ZNF716: variants seen among roughly 807,000 people sequenced by gnomAD.
ZNF716 encodes zinc finger protein 716.
ZNF716 carries 9 observed loss-of-function variants against 13.4 expected under a neutral mutation model. The ratio of observed to expected loss-of-function variants is 0.67; its 90% CI spans 0.41 to 1.18. ZNF716 has a LOEUF of 1.18. Ranked by LOEUF, ZNF716 falls within the 50% of genes most tolerant of loss-of-function variation. The pLI is 0.01. For missense variants in ZNF716, 581 were observed against 576.6 expected, an observed-to-expected ratio of 1.01 and a Z score of -0.08; for synonymous variants, 186 against 195.2, an observed-to-expected ratio of 0.95 and a Z score of 0.39.
At chr7:57,454,887 G>A (rs539355397) in intron 1 of ZNF716, among the ~76,000 whole-genome samples, 29 of 152,110 alleles carry the variant, frequency 1.9e-4, no homozygotes, top group Admixed American at 6.6e-4. Context: ...TTAGCCAGGC[G>A]TGGTGGCAGG....
chr7:57,462,226 A>C (rs567113534), intron 1 of ZNF716, among the ~76,000 whole-genome samples: 1 of 151,992 alleles, frequency 6.6e-6, no homozygotes, highest in East Asian at 1.9e-4. Context: ...CCAGAAAAGT[A>C]TCATATCTAC....
rs1356897790 is a variant in ZNF716, at chr7:57,473,287, G to A, written c.*3338G>A. ...GGCTCCCAGCATTTTGGGAGCCTGAGGTGGGAGGATCATTTGAGGTTAGGA... is the reference window on the plus strand; with the variant it reads ...GGCTCCCAGCATTTTGGGAGCCTGAAGTGGGAGGATCATTTGAGGTTAGGA... On this transcript the variant is annotated 3_prime_UTR_variant, in exon 4 of 4. Coordinates refer to ENST00000420713, the MANE Select transcript of ZNF716 (RefSeq NM_001159279.1). 2.0e-5 allele frequency: 3 copies of A among 152,148 alleles called. No homozygotes were observed. The highest frequency in any genetic ancestry group is 2.0e-4 in the Admixed American group (3 of 15,274). 9.4% of individuals were successfully genotyped at this position (152,148 alleles called of 1,614,324 possible).
chr7:57,461,907 C>G (rs1554323154), intron 1 of ZNF716, among the ~76,000 whole-genome samples: 1 of 152,128 alleles, frequency 6.6e-6, no homozygotes, highest in Non-Finnish European at 1.5e-5. Context: ...TGCCTGCAAT[C>G]CCAGTATTTT....
chr7:57,465,557 C>G (rs1272456168), intron 3 of ZNF716, among the ~76,000 whole-genome samples: 1 of 152,014 alleles, frequency 6.6e-6, no homozygotes, highest in Admixed American at 6.6e-5. Context: ...ACTGTGTTTC[C>G]AAGGCTGGTA....
rs1583725465 is a variant in ZNF716 at position 57,470,099 on chromosome 7, T to C, written c.*150T>C. ...TAATTCATATTGGACAAAAGTCTTATAAATGTAAAAAAAAAAGTAACAGCC... is the reference window on the plus strand; with the variant it reads ...TAATTCATATTGGACAAAAGTCTTACAAATGTAAAAAAAAAAGTAACAGCC... On this transcript the variant is annotated 3_prime_UTR_variant, in exon 4 of 4. Transcript: ENST00000420713. 1.3e-6 allele frequency: 1 copy of C among 777,612 alleles called. No homozygotes were observed. Among genetic ancestry groups the C allele is most frequent in the Admixed American group, 3.4e-5 (1 of 29,354 alleles). The allele number at this position is 777,612 out of a possible 1,614,324, so 48.2% of individuals were successfully genotyped here. A position where few individuals can be genotyped will look rare whatever the true frequency, so the allele number is the denominator to read the frequency against.
chr7:57,454,087 C>A (rs1174942734), intron 1 of ZNF716, among the ~76,000 whole-genome samples: 38 of 152,152 alleles, frequency 2.5e-4, no homozygotes, highest in African/African-American at 9.2e-4. Flanking sequence ...CCCACCTGTG[C>A]CTCTCAAATT....
chr7:57,462,690 G>A lies in ZNF716; in HGVS notation c.166+104G>A, dbSNP rs1389366944. On this transcript the variant is annotated intron_variant, in intron 2 of 3. Transcript: ENST00000420713. ...TGCATGAATGAATTTTAGCTCTCCA[G>A]TTTTAAGAAAATCTTGGGGATTCAT... 2.3e-6 allele frequency: 3 copies of A among 1,333,180 alleles called. No homozygotes were observed. The African/African-American group carries it at 4.4e-5, about 20-fold the overall frequency. 82.6% of individuals were successfully genotyped at this position (1,333,180 alleles called of 1,614,324 possible). A position where few individuals can be genotyped will look rare whatever the true frequency, so the allele number is the denominator to read the frequency against.
intron 1 of ZNF716, among the ~76,000 whole-genome samples, chr7:57,460,216 G>A (rs545298848): frequency 1.1e-4 from 16 of 151,896 alleles, no homozygotes; most frequent in Non-Finnish European, 1.8e-4. Flanking sequence ...CCAACATGGT[G>A]AAAGTCCATC....
intron 3 of ZNF716, among the ~76,000 whole-genome samples, chr7:57,467,367 G>A (rs1323086073): frequency 6.6e-6 from 1 of 152,000 alleles, no homozygotes; most frequent in African/African-American, 2.4e-5. Flanking sequence ...ATTTTAAGTG[G>A]AAGGACCTCT....
In ZNF716 at chr7:57,471,618, A is replaced by G. The variant is rs1554325303; in HGVS notation, c.*1669A>G. ...GAAACAGATGCTCAAACTTTGTTGA[A>G]CATCGGAGAATTTATATTGGAGAGA... is the stretch of plus-strand genomic sequence containing the variant. On this transcript the variant is annotated 3_prime_UTR_variant, in exon 4 of 4. Transcript: ENST00000420713. 6.6e-6 allele frequency: 1 copy of G among 152,234 alleles called. No individual in the cohort carries two copies. The highest frequency in any genetic ancestry group is 1.5e-5 in the Non-Finnish European group (1 of 68,042). The allele number at this position is 152,234 out of a possible 1,614,324, so 9.4% of individuals were successfully genotyped here. A position where few individuals can be genotyped will look rare whatever the true frequency, so the allele number is the denominator to read the frequency against.
In ZNF716 at chr7:57,469,522, G is replaced by T. The variant is rs782725567; in HGVS notation, c.1061G>T (p.Cys354Phe). The change falls in exon 4 of 4, where the codon TGT becomes TTT. Residue 354 changes from cysteine to phenylalanine, a missense_variant. Physicochemically the swap from Cys to Phe is radical, Grantham distance 205. Coordinates refer to ENST00000420713, the MANE Select transcript of ZNF716 (RefSeq NM_001159279.1). ...IVHTGEKLYT[C>F]EECGKAFTFS... The stretch of plus-strand genomic sequence containing the variant: ...CATACTGGGGAGAAACTCTACACAT[G>T]TGAAGAATGTGGGAAAGCCTTTACC... 2 of 1,610,630 alleles carry T rather than the reference G, an allele frequency of 1.2e-6. No individual in the cohort carries two copies. The highest frequency in any genetic ancestry group is 1.7e-6 in the Non-Finnish European group (2 of 1,178,318).
chr7:57,452,480 CA>C (rs71065114), intron 1 of ZNF716, among the ~76,000 whole-genome samples: 1 of 149,294 alleles, frequency 6.7e-6, no homozygotes, highest in African/African-American at 2.5e-5. Flanking sequence ...ACTAAAAATG[CA>C]AAAAAAAATA....
At chr7:57,450,477 T>C in intron 1 of ZNF716, 150 bp downstream of exon 1, 1 of 1,411,136 alleles carries the variant, frequency 7.1e-7, no homozygotes, top group Non-Finnish European at 9.8e-7. Flanking sequence ...CTTAGTCCCC[T>C]CGAGCGTTAA....
chr7:57,451,982 G>T lies in ZNF716; in HGVS notation c.39+1655G>T, dbSNP rs893736597. ...GGGTTTCACCATTTTGGCCAGGCTGGTCTCAAATTCCTGACCTCAGGTGAT... is the reference window on the plus strand; with the variant it reads ...GGGTTTCACCATTTTGGCCAGGCTGTTCTCAAATTCCTGACCTCAGGTGAT... On this transcript the variant is annotated intron_variant, in intron 1 of 3. Coordinates refer to ENST00000420713, the MANE Select transcript of ZNF716 (RefSeq NM_001159279.1). Among the ~76,000 whole-genome samples the T allele has an allele frequency of 2.6e-5, 4 of 151,838 alleles. No homozygotes were observed. The East Asian group carries it at 7.8e-4, about 30-fold the overall frequency.
rs1273578234 is a variant in ZNF716 at position 57,472,526 on chromosome 7, G to A, written c.*2577G>A. On this transcript the variant is annotated 3_prime_UTR_variant, in exon 4 of 4. Coordinates refer to ENST00000420713, the MANE Select transcript of ZNF716 (RefSeq NM_001159279.1). ...CTGTCACCCAGACTGGGGTGCAGTG[G>A]TGCGATCTCAGCTCACTGCAACCTC... The A allele has an allele frequency of 2.6e-5, 4 of 152,246 alleles. No homozygotes were observed. Among genetic ancestry groups the A allele is most frequent in the African/African-American group, 9.7e-5 (4 of 41,434 alleles). 9.4% of individuals were successfully genotyped at this position (152,246 alleles called of 1,614,324 possible).
In ZNF716 at chr7:57,461,146, C is replaced by T. The variant is rs540238467; in HGVS notation, c.40-1314C>T. Among the ~76,000 whole-genome samples, 27 of 151,746 alleles carry T rather than the reference C, an allele frequency of 1.8e-4. No homozygotes were observed. In the South Asian group the frequency reaches 2.5e-3, roughly 14 times the overall value. On this transcript the variant is annotated intron_variant, in intron 1 of 3. Coordinates refer to ENST00000420713, the MANE Select transcript of ZNF716 (RefSeq NM_001159279.1). Reference sequence around the variant, plus strand: ...TACAAAAATTAGCCTGGCATGGTAGCGTGTACGTGTGATCCCAGCTACTCA... The same window carrying T: ...TACAAAAATTAGCCTGGCATGGTAGTGTGTACGTGTGATCCCAGCTACTCA...
chr7:57,469,050 C>G lies in ZNF716; in HGVS notation c.589C>G (p.Leu197Val), dbSNP rs782391659. 6 of 1,606,974 alleles carry G rather than the reference C, an allele frequency of 3.7e-6. No individual in the cohort carries two copies. The Admixed American group carries it at 8.5e-5, about 23-fold the overall frequency. ...AAACGATGGCAAATCATTTTGCATG[C>G]TTTCACGCCTAAATCAACATCAGAT... is the stretch of plus-strand genomic sequence containing the variant. Reference protein sequence around the residue: ...CKNDGKSFCMLSRLNQHQIIH... With the variant: ...CKNDGKSFCMVSRLNQHQIIH... The change falls in exon 4 of 4, where the codon CTT (leucine) becomes GTT (valine). Residue 197 changes from leucine (L) to valine (V), a missense_variant. Coordinates refer to ENST00000420713, the MANE Select transcript of ZNF716 (RefSeq NM_001159279.1).
At chr7:57,460,394 CAA>C (rs71565809) in intron 1 of ZNF716, among the ~76,000 whole-genome samples, 5 of 85,500 alleles carry the variant, frequency 5.8e-5, no homozygotes, top group East Asian at 3.8e-4. Flanking sequence ...GACTGTGTCT[CAA>C]AAAAAAAAAA....
intron 1 of ZNF716, among the ~76,000 whole-genome samples, chr7:57,460,493 C>T (rs1480600702): frequency 3.3e-5 from 5 of 151,592 alleles, no homozygotes; most frequent in African/African-American, 1.2e-4. Context: ...TGTTGTTATC[C>T]CTAATGAGTT....
Sources: gnomAD v4.1 joint callset for allele counts (sites outside exome capture counted in the v4.1 genomes callset) on GRCh38, gnomAD v4.1.1 for gene constraint, MANE v1.5 for transcripts, NCBI Gene and HGNC (gene_info 2026-07-23, HGNC 2026-07-21) for gene names.